The following CYP7B1 variants were observed in gnomAD, a reference collection of about 807,000 sequenced individuals.
CYP7B1 encodes cytochrome P450 family 7 subfamily B member 1, also known as cytochrome P450 7B1.
In CYP7B1, 29 loss-of-function variants were observed where a neutral mutation model predicts 42.7. That is an observed-to-expected ratio of 0.68 (90% confidence interval 0.51 to 0.93). CYP7B1 has a LOEUF of 0.93. CYP7B1 is among the 40% of genes least tolerant of loss of function. The probability of loss-of-function intolerance (pLI) is 0.00; values close to 1 mark genes in which losing one functional copy is unlikely to be tolerated. For synonymous variants in CYP7B1, 235 were observed against 218.2 expected, an observed-to-expected ratio of 1.08 and a Z score of -0.68; for missense variants, 655 against 600.5, an observed-to-expected ratio of 1.09 and a Z score of -0.95.
intron 1 of CYP7B1, among the ~76,000 whole-genome samples, chr8:64,636,565 A>C (rs1341749354): frequency 1.3e-5 from 2 of 152,130 alleles, no homozygotes; most frequent in Non-Finnish European, 2.9e-5. Flanking sequence ...TAAAGTACTA[A>C]TTTTAAAGAT....
rs953372633 is a variant in CYP7B1 at position 64,658,332 on chromosome 8, T to C, written c.123-33793A>G. 3.0e-4 allele frequency among the ~76,000 whole-genome samples: 45 copies of C among 152,100 alleles called. 1 individual carries two copies. The highest frequency in any genetic ancestry group is 1.1e-3 in the African/African-American group (44 of 41,420). On this transcript the variant is annotated intron_variant, in intron 1 of 5. Coordinates refer to ENST00000310193, the MANE Select transcript of CYP7B1 (RefSeq NM_004820.5). The stretch of plus-strand genomic sequence containing the variant: ...TACTTATACAGGGAAATGAAAAAAA[T>C]AGTAAAACTAATATTTATTCAGTAC...
chr8:64,798,234 G>T (rs1380193542), intron 1 of CYP7B1, among the ~76,000 whole-genome samples: 1 of 152,210 alleles, frequency 6.6e-6, no homozygotes, highest in African/African-American at 2.4e-5. Context: ...TACAACTTAC[G>T]CTGGAGCAGC....
At chr8:64,783,414 A>C (rs1314951661) in intron 1 of CYP7B1, among the ~76,000 whole-genome samples, 1 of 152,226 alleles carries the variant, frequency 6.6e-6, no homozygotes, top group Non-Finnish European at 1.5e-5. Flanking sequence ...TTAAATTTTT[A>C]CTTTGACTAA....
rs749702640 is a variant in CYP7B1, at chr8:64,760,641, C to T, written c.122+37825G>A. Among the ~76,000 whole-genome samples, 273 of 151,864 alleles carry T rather than the reference C, an allele frequency of 1.8e-3. 4 individuals are homozygous for T. The highest frequency in any genetic ancestry group is 1.5e-3 in the Non-Finnish European group (100 of 67,918). ...TCATCTGAGAAATGCAAATCAAAAC[C>T]ATAATGAGATATCACCTCACACTTG... On this transcript the variant is annotated intron_variant, in intron 1 of 5. Transcript: ENST00000310193.
At chr8:64,622,662 CA>C (rs1235183185) in intron 2 of CYP7B1, among the ~76,000 whole-genome samples, 5 of 151,946 alleles carry the variant, frequency 3.3e-5, no homozygotes, top group African/African-American at 1.2e-4. Context: ...GAACCTTAAG[CA>C]TGGTTATAAG....
At chr8:64,729,012 T>C (rs1807368877) in intron 1 of CYP7B1, 1 of 152,110 alleles carries the variant, frequency 6.6e-6, no homozygotes, top group African/African-American at 2.4e-5. Flanking sequence ...ATAGAAAAGT[T>C]AGCTGGGCAT....
intron 1 of CYP7B1, among the ~76,000 whole-genome samples, chr8:64,712,057 A>C (rs554764153): frequency 6.6e-6 from 1 of 152,356 alleles, no homozygotes; most frequent in East Asian, 1.9e-4. Flanking sequence ...CTAACACAGC[A>C]CTGGCACATG....
intron 1 of CYP7B1, among the ~76,000 whole-genome samples, chr8:64,727,252 G>A (rs1475959947): frequency 1.3e-5 from 2 of 152,114 alleles, no homozygotes; most frequent in Non-Finnish European, 2.9e-5. Flanking sequence ...TCATTTGAGA[G>A]CCTAAATTTT....
At chr8:64,710,234 G>A (rs959967528) in intron 1 of CYP7B1, among the ~76,000 whole-genome samples, 2 of 152,070 alleles carry the variant, frequency 1.3e-5, no homozygotes, top group African/African-American at 2.4e-5. Context: ...ACTCTCAATG[G>A]CTTCCTATGA....
chr8:64,685,072 G>C (rs1806599337), intron 1 of CYP7B1, among the ~76,000 whole-genome samples: 1 of 152,176 alleles, frequency 6.6e-6, no homozygotes, highest in South Asian at 2.1e-4. Flanking sequence ...TCACTACTAG[G>C]TATATACCCA....
intron 1 of CYP7B1, among the ~76,000 whole-genome samples, chr8:64,671,515 G>A (rs1464767145): frequency 6.6e-6 from 1 of 152,054 alleles, no homozygotes; most frequent in African/African-American, 2.4e-5. Flanking sequence ...CAATAATAAG[G>A]GGTGGGCCTC....
At chr8:64,701,040 G>A (rs1222870759) in intron 1 of CYP7B1, among the ~76,000 whole-genome samples, 1 of 152,042 alleles carries the variant, frequency 6.6e-6, no homozygotes, top group Non-Finnish European at 1.5e-5. Flanking sequence ...TGAAGCTCCA[G>A]TAATTATTTT....
chr8:64,693,691 T>C (rs1806782170), intron 1 of CYP7B1, among the ~76,000 whole-genome samples: 1 of 152,186 alleles, frequency 6.6e-6, no homozygotes, highest in Non-Finnish European at 1.5e-5. Flanking sequence ...TTAGAAGGTA[T>C]ATATTTCAAG....
chr8:64,628,405 T>C (rs994962446), intron 1 of CYP7B1, among the ~76,000 whole-genome samples: 1 of 152,080 alleles, frequency 6.6e-6, no homozygotes, highest in Non-Finnish European at 1.5e-5. Flanking sequence ...TCCCAACACT[T>C]TGGGAGGCTG....
chr8:64,698,143 G>A (rs985492841), intron 1 of CYP7B1, among the ~76,000 whole-genome samples: 4 of 152,148 alleles, frequency 2.6e-5, no homozygotes, highest in African/African-American at 9.7e-5. Flanking sequence ...ATGGGTGATA[G>A]AAGCTTCTTT....
At chr8:64,798,403 C>G (rs1037967793) in intron 1 of CYP7B1, 63 bp downstream of exon 1, 25 of 1,440,364 alleles carry the variant, frequency 1.7e-5, no homozygotes, top group Non-Finnish European at 4.5e-6. Flanking sequence ...CCCTCGCCAT[C>G]TGGGTCGCGC....
At position 64,665,570 on chromosome 8, in the gene CYP7B1, T is replaced by G. The variant is rs1354330925; in HGVS notation, c.123-41031A>C. Among the ~76,000 whole-genome samples, 5 of 110,566 alleles carry G rather than the reference T, an allele frequency of 4.5e-5. No individual in the cohort carries two copies. The East Asian group carries it at 7.7e-4, about 17-fold the overall frequency. 72.5% of individuals were successfully genotyped at this position (110,566 alleles called of 152,430 possible). ...TTTTTTTTTTGGTGGTTTTTTTTTTTTTTTTTTTTTTTTTTTTTTTTTTGA... is the reference window on the plus strand; with the variant it reads ...TTTTTTTTTTGGTGGTTTTTTTTTTGTTTTTTTTTTTTTTTTTTTTTTTGA... On this transcript the variant is annotated intron_variant, in intron 1 of 5. Transcript: ENST00000310193.
At chr8:64,648,602 A>G (rs1805989314) in intron 1 of CYP7B1, among the ~76,000 whole-genome samples, 1 of 152,190 alleles carries the variant, frequency 6.6e-6, no homozygotes, top group Admixed American at 6.5e-5. Flanking sequence ...ATCTCAGTAA[A>G]GTAGAAACTT....
intron 1 of CYP7B1, among the ~76,000 whole-genome samples, chr8:64,762,906 G>T (rs1424845013): frequency 6.6e-6 from 1 of 152,112 alleles, no homozygotes; most frequent in African/African-American, 2.4e-5. Context: ...GGTACACATA[G>T]TGCACAAAAA....
Sources: gnomAD v4.1 joint callset for allele counts (sites outside exome capture counted in the v4.1 genomes callset) on GRCh38, gnomAD v4.1.1 for gene constraint, MANE v1.5 for transcripts, NCBI Gene and HGNC (gene_info 2026-07-23, HGNC 2026-07-21) for gene names.